The following MYLK4 variants were observed in gnomAD, a reference collection of about 807,000 sequenced individuals.
The protein encoded by MYLK4 is myosin light chain kinase family member 4, also known as caMLCK like.
Under a neutral mutation model 48.1 loss-of-function variants are expected in MYLK4, and 46 were observed. The observed-to-expected ratio is 0.96, with a 90% CI of 0.75 to 1.22. The LOEUF is 1.22. Ranked by LOEUF, MYLK4 falls within the 50% of genes most tolerant of loss-of-function variation. The pLI is 0.00. For synonymous variants in MYLK4, 170 were observed against 180.8 expected, an observed-to-expected ratio of 0.94 and a Z score of 0.48; for missense variants, 451 against 486.1, an observed-to-expected ratio of 0.93 and a Z score of 0.68.
At chr6:2,677,435 T>C (rs903769557) in intron 10 of MYLK4, among the ~76,000 whole-genome samples, 2 of 152,234 alleles carry the variant, frequency 1.3e-5, no homozygotes, top group Non-Finnish European at 1.5e-5. Context: ...AGGCAAGTGC[T>C]ATTGACCCTG....
At chr6:2,723,673 G>A (rs1297895637) in intron 2 of MYLK4, among the ~76,000 whole-genome samples, 1 of 152,138 alleles carries the variant, frequency 6.6e-6, no homozygotes, top group Non-Finnish European at 1.5e-5. Flanking sequence ...CTCAATAAGA[G>A]CTCAGGTAGA....
In MYLK4 at chr6:2,667,567, T is replaced by G. The variant is rs1157731484; in HGVS notation, c.*358A>C. ...TCCAATCAATCTTAAGTGTCACAGC[T>G]GTAGTCATTTGAGAAATGGCAGACA... On this transcript the variant is annotated 3_prime_UTR_variant, in exon 13 of 13. Coordinates refer to ENST00000274643, the MANE Select transcript of MYLK4 (RefSeq NM_001012418.5). The G allele has an allele frequency of 6.6e-6, 1 of 152,618 alleles. No individual in the cohort carries two copies. The highest frequency in any genetic ancestry group is 1.9e-4 in the East Asian group (1 of 5,200). 9.5% of individuals were successfully genotyped at this position (152,618 alleles called of 1,614,324 possible). A position where few individuals can be genotyped will look rare whatever the true frequency, so the allele number is the denominator to read the frequency against.
At chr6:2,711,462 C>A (rs1165776791) in intron 2 of MYLK4, among the ~76,000 whole-genome samples, 5 of 152,144 alleles carry the variant, frequency 3.3e-5, no homozygotes, top group African/African-American at 1.2e-4. Flanking sequence ...TCTTAGATTC[C>A]AATTACTTCA....
rs566318340 is a variant in MYLK4, at chr6:2,687,853, A to G, written c.341+998T>C. Among the ~76,000 whole-genome samples the G allele has an allele frequency of 3.9e-4, 59 of 152,318 alleles. No individual in the cohort carries two copies. The South Asian group carries it at 0.012, about 32-fold the overall frequency. ...CCTTGTGTTGGTGAGTACATTTTGT[A>G]TGTATACGTGCAGATGTTCTGCTTT... is the stretch of plus-strand genomic sequence containing the variant. On this transcript the variant is annotated intron_variant, in intron 4 of 12. Transcript: ENST00000274643.
chr6:2,693,799 C>CCAGGCTGGAGTG (rs1238580062), intron 2 of MYLK4, among the ~76,000 whole-genome samples: 2 of 148,498 alleles, frequency 1.3e-5, no homozygotes, highest in African/African-American at 2.5e-5. Context: ...CTCTTGTTGC[C>CCAGGCTGGAGTG]CAGGCTGGAG....
chr6:2,760,056 A>G, the MYLK4 span, among the ~76,000 whole-genome samples: 1 of 152,262 alleles, frequency 6.6e-6, no homozygotes, highest in African/African-American at 2.4e-5. Flanking sequence ...ACAGTATAAT[A>G]GCTATTTATA....
intron 2 of MYLK4, among the ~76,000 whole-genome samples, chr6:2,737,977 C>CGGGGGGGGGG (rs1158504264): frequency 2.4e-3 from 6 of 2,530 alleles, no homozygotes; most frequent in Admixed American, 4.1e-3. Context: ...GTGCCGGGGG[C>CGGGGGGGGGG]GGGTGGGGGG....
At chr6:2,739,663 T>C (rs1391068891) in intron 2 of MYLK4, among the ~76,000 whole-genome samples, 1 of 152,202 alleles carries the variant, frequency 6.6e-6, no homozygotes, top group African/African-American at 2.4e-5. Flanking sequence ...CTTTTCCCCA[T>C]TAAAAATGGC....
chr6:2,711,114 C>T lies in MYLK4; in HGVS notation c.160-18255G>A, dbSNP rs189172325. Among the ~76,000 whole-genome samples the T allele has an allele frequency of 6.6e-5, 10 of 152,292 alleles. No homozygotes were observed. In the East Asian group the frequency reaches 1.5e-3, roughly 24 times the overall value. ...AGACCAGGGTGGGAACATCCTCCTC[C>T]GTGTGTGCCACAACAGAAAATGGCA... On this transcript the variant is annotated intron_variant, in intron 2 of 12. Coordinates refer to ENST00000274643, the MANE Select transcript of MYLK4 (RefSeq NM_001012418.5).
intron 2 of MYLK4, among the ~76,000 whole-genome samples, chr6:2,712,908 A>T (rs956095763): frequency 6.6e-6 from 1 of 152,230 alleles, no homozygotes; most frequent in African/African-American, 2.4e-5. Context: ...TACAGCCAGG[A>T]TGCTGGGTTC....
intron 2 of MYLK4, among the ~76,000 whole-genome samples, chr6:2,736,106 T>C (rs1169245825): frequency 6.6e-6 from 1 of 152,192 alleles, no homozygotes; most frequent in African/African-American, 2.4e-5. Flanking sequence ...CTCCCTAAAA[T>C]GTTAATAATG....
At chr6:2,707,959 C>T (rs748667436) in intron 2 of MYLK4, among the ~76,000 whole-genome samples, 4 of 151,934 alleles carry the variant, frequency 2.6e-5, no homozygotes, top group Non-Finnish European at 5.9e-5. Flanking sequence ...AATATTGCTC[C>T]CATCAATACT....
At chr6:2,693,611 T>C (rs1761897541) in intron 2 of MYLK4, among the ~76,000 whole-genome samples, 1 of 152,220 alleles carries the variant, frequency 6.6e-6, no homozygotes, top group South Asian at 2.1e-4. Flanking sequence ...AAGTTTTGCA[T>C]TATAAATTAA....
At chr6:2,740,734 C>G (rs1763872143) in intron 2 of MYLK4, among the ~76,000 whole-genome samples, 1 of 152,190 alleles carries the variant, frequency 6.6e-6, no homozygotes, top group African/African-American at 2.4e-5. Context: ...ATAAGAAATC[C>G]TACATAAACT....
intron 10 of MYLK4, 60 bp from the exon 11 acceptor site, chr6:2,675,185 G>C: frequency 8.0e-7 from 1 of 1,249,334 alleles, no homozygotes; most frequent in South Asian, 1.2e-5. Flanking sequence ...TGTATCTGCT[G>C]TTCAATCTCA....
chr6:2,723,938 G>A (rs560083670), intron 2 of MYLK4, among the ~76,000 whole-genome samples: 18 of 152,168 alleles, frequency 1.2e-4, no homozygotes, highest in African/African-American at 3.6e-4. Context: ...GGGCAGTGGC[G>A]TGATCTCGGC....
intron 6 of MYLK4, among the ~76,000 whole-genome samples, chr6:2,683,395 G>C (rs867774040): frequency 8.7e-6 from 1 of 115,362 alleles, no homozygotes; most frequent in Non-Finnish European, 1.7e-5. Flanking sequence ...ACCTTTTTGT[G>C]TGTGTGTGTG....
At chr6:2,757,947 G>A in the MYLK4 span, among the ~76,000 whole-genome samples, 1 of 152,176 alleles carries the variant, frequency 6.6e-6, no homozygotes, top group South Asian at 2.1e-4. Context: ...AGCTCTACTA[G>A]CTGTGTTGAC....
intron 2 of MYLK4, among the ~76,000 whole-genome samples, chr6:2,745,899 T>C (rs1165873572): frequency 1.1e-5 from 1 of 89,174 alleles, no homozygotes; most frequent in African/African-American, 3.4e-5. Context: ...CAATCCAGCC[T>C]GGGCGACAGA....
Sources: allele counts gnomAD v4.1 joint callset (sites outside exome capture counted in the v4.1 genomes callset), GRCh38; gene constraint gnomAD v4.1.1; transcripts MANE v1.5; gene names NCBI Gene and HGNC (gene_info 2026-07-23, HGNC 2026-07-21).